The following RAP1GAP2 variants were observed in gnomAD, a reference collection of about 807,000 sequenced individuals.
The protein encoded by RAP1GAP2 is RAP1 GTPase activating protein 2, also known as rap1 GTPase-activating protein 2.
RAP1GAP2 carries 27 observed loss-of-function variants against 95.0 expected under a neutral mutation model. The observed-to-expected ratio is 0.28, with a 90% CI of 0.21 to 0.39. The LOEUF (loss-of-function observed/expected upper bound fraction) is 0.39. RAP1GAP2 is among the 10% of genes least tolerant of loss of function. The pLI is 1.00. For missense variants in RAP1GAP2, 771 were observed against 970.0 expected (o/e 0.79, Z 2.72); for synonymous variants, 373 against 380.9 (o/e 0.98, Z 0.24).
intron 1 of RAP1GAP2, among the ~76,000 whole-genome samples, chr17:2,790,522 C>T (rs1421276190): frequency 6.6e-6 from 1 of 152,186 alleles, no homozygotes; most frequent in East Asian, 1.9e-4. Flanking sequence ...GAGTAGGTCA[C>T]CTGCCCCCAG....
intron 2 of RAP1GAP2, among the ~76,000 whole-genome samples, chr17:2,852,100 G>T (rs1051665927): frequency 6.6e-6 from 1 of 152,156 alleles, no homozygotes; most frequent in South Asian, 2.1e-4. Context: ...CGGTGGGAGA[G>T]AGGGGAAGAG....
At chr17:2,840,203 A>G (rs2071311674) in intron 2 of RAP1GAP2, among the ~76,000 whole-genome samples, 1 of 149,984 alleles carries the variant, frequency 6.7e-6, no homozygotes, top group Non-Finnish European at 1.5e-5. Flanking sequence ...ATCTCACTCC[A>G]GTGTCACTGG....
intron 8 of RAP1GAP2, among the ~76,000 whole-genome samples, chr17:2,969,007 GTA>G (rs2044733842): frequency 6.6e-6 from 1 of 151,846 alleles, no homozygotes; most frequent in South Asian, 2.1e-4. Flanking sequence ...ATATATTATA[GTA>G]TATGTATATG....
At chr17:2,957,627 T>G in intron 3 of RAP1GAP2, 132 bp from the exon 4 acceptor site, 1 of 1,049,076 alleles carries the variant, frequency 9.5e-7, no homozygotes, top group African/African-American at 1.6e-5. Context: ...TTATCTTCTC[T>G]GTTGATCCAA....
intron 1 of RAP1GAP2, among the ~76,000 whole-genome samples, chr17:2,769,415 C>CGTG (rs1348269929): frequency 6.6e-6 from 1 of 151,086 alleles, no homozygotes; most frequent in Non-Finnish European, 1.5e-5. Context: ...ATTAGCCGGG[C>CGTG]GTGGCGGTGG....
chr17:2,806,387 T>TATTA (rs1450158106), intron 2 of RAP1GAP2, among the ~76,000 whole-genome samples: 4 of 147,840 alleles, frequency 2.7e-5, no homozygotes, highest in South Asian at 2.1e-4. Flanking sequence ...TTATTATTAT[T>TATTA]ATTATTATTA....
intron 3 of RAP1GAP2, among the ~76,000 whole-genome samples, chr17:2,924,881 CG>C (rs1022669182): frequency 6.6e-6 from 1 of 152,106 alleles, no homozygotes; most frequent in Non-Finnish European, 1.5e-5. Context: ...CTCTTTCCTC[CG>C]GGGGGCTAGT....
intron 2 of RAP1GAP2, among the ~76,000 whole-genome samples, chr17:2,823,704 G>A (rs1371087971): frequency 6.6e-6 from 1 of 152,184 alleles, no homozygotes; most frequent in African/African-American, 2.4e-5. Context: ...GGTCAAAAGA[G>A]GCAACTACAT....
rs1336291472 is a variant in RAP1GAP2, at chr17:2,945,738, TTTC to T, written c.166-12014_166-12012del. 7.9e-5 allele frequency among the ~76,000 whole-genome samples: 12 copies of T among 152,210 alleles called. No homozygotes were observed. The South Asian group carries it at 1.7e-3, about 21-fold the overall frequency. On this transcript the variant is annotated intron_variant, in intron 3 of 24. Coordinates refer to ENST00000254695, the MANE Select transcript of RAP1GAP2 (RefSeq NM_015085.5). ...TATCAATTGAGATAATCATGTATTTTTTCTTCTTCATCCTGTTAATGTGATACA... is the reference window on the plus strand; with the variant it reads ...TATCAATTGAGATAATCATGTATTTTTTCTTCATCCTGTTAATGTGATACA...
chr17:2,896,108 C>T lies in RAP1GAP2; in HGVS notation c.81-9176C>T, dbSNP rs539087803. Among the ~76,000 whole-genome samples the T allele has an allele frequency of 2.0e-5, 3 of 152,230 alleles. No homozygotes were observed. The East Asian group carries it at 5.8e-4, about 29-fold the overall frequency. ...GCTGGTCTCCCAAGGAGAACCAGAC[C>T]TCTCCTCCCTGTGACCTCATGGCAC... On this transcript the variant is annotated intron_variant, in intron 2 of 24. Coordinates refer to ENST00000254695, the MANE Select transcript of RAP1GAP2 (RefSeq NM_015085.5).
chr17:2,971,982 A>C (rs1254545575), intron 8 of RAP1GAP2, among the ~76,000 whole-genome samples: 2 of 152,270 alleles, frequency 1.3e-5, no homozygotes, highest in African/African-American at 4.8e-5. Context: ...AAAAAGATGC[A>C]TGACCACAGA....
intron 2 of RAP1GAP2, chr17:2,854,049 C>T (rs546664011): frequency 3.0e-6 from 3 of 985,100 alleles, no homozygotes; most frequent in African/African-American, 3.5e-5. Flanking sequence ...TCCGCGCCGC[C>T]GTGGTGCTCA....
intron 2 of RAP1GAP2, among the ~76,000 whole-genome samples, chr17:2,893,700 C>G (rs2073793921): frequency 6.6e-6 from 1 of 152,222 alleles, no homozygotes; most frequent in Non-Finnish European, 1.5e-5. Context: ...CTGCTCTGAC[C>G]ATGACGCTGC....
Position 3,005,224 on chromosome 17 carries a change from C to A in RAP1GAP2, c.1201-145C>A. The A allele has an allele frequency of 1.2e-6, 1 of 831,542 alleles. No individual in the cohort carries two copies. Among genetic ancestry groups the A allele is most frequent in the Non-Finnish European group, 2.1e-6 (1 of 487,242 alleles). 51.5% of individuals were successfully genotyped at this position (831,542 alleles called of 1,614,324 possible). On this transcript the variant is annotated intron_variant, in intron 14 of 24. Transcript: ENST00000254695. The surrounding 1 kb of genome is among the most constrained non-coding windows in gnomAD (Gnocchi z 5.2). ...TCTAGGAACAGGGTCAGGGCCTGTG[C>A]TGGCGATGCTCACAGGAGTATTTTG...
At chr17:2,920,359 G>A (rs1422490572) in intron 3 of RAP1GAP2, among the ~76,000 whole-genome samples, 1 of 152,134 alleles carries the variant, frequency 6.6e-6, no homozygotes, top group Non-Finnish European at 1.5e-5. Flanking sequence ...CCCAGGGGAT[G>A]CCCCCAGGGG....
At chr17:2,787,108 A>G (rs1185298701) in intron 1 of RAP1GAP2, among the ~76,000 whole-genome samples, 1 of 149,042 alleles carries the variant, frequency 6.7e-6, no homozygotes, top group Non-Finnish European at 1.5e-5. Flanking sequence ...ATGCCACCAT[A>G]CCTGGCTAGT....
rs964898732 is a variant in RAP1GAP2 at position 2,827,846 on chromosome 17, G to A, written c.80+27296G>A. Among the ~76,000 whole-genome samples, 5 of 152,054 alleles carry A rather than the reference G, an allele frequency of 3.3e-5. No individual in the cohort carries two copies. Among genetic ancestry groups the A allele is most frequent in the African/African-American group, 1.2e-4 (5 of 41,404 alleles). On this transcript the variant is annotated intron_variant, in intron 2 of 24. Transcript: ENST00000254695. The surrounding 1 kb of genome is among the most constrained non-coding windows in gnomAD (Gnocchi z 4.1). ...AAATCCCCTTGAAAAACAAGGGGGA[G>A]GGTTCATACACGATCGGTTGCAGCA...
intron 2 of RAP1GAP2, among the ~76,000 whole-genome samples, chr17:2,891,674 G>T (rs989432385): frequency 6.6e-6 from 1 of 151,192 alleles, no homozygotes; most frequent in African/African-American, 2.4e-5. Context: ...TGTCTTTATT[G>T]GTTGATAGTT....
Position 2,963,403 on chromosome 17 carries a change from G to A in RAP1GAP2, c.247-27G>A, listed in dbSNP as rs2044429625. The A allele has an allele frequency of 1.2e-6, 2 of 1,613,616 alleles. No individual in the cohort carries two copies. The highest frequency in any genetic ancestry group is 1.7e-6 in the Non-Finnish European group (2 of 1,179,746). ...CTTTACGGGCACTGCCGGGACTAACGGTGGCATCATCTGGTTTGTCTTGCA... is the reference window on the plus strand; with the variant it reads ...CTTTACGGGCACTGCCGGGACTAACAGTGGCATCATCTGGTTTGTCTTGCA... On this transcript the variant is annotated intron_variant, in intron 5 of 24. Transcript: ENST00000254695. The surrounding 1 kb of genome is among the most constrained non-coding windows in gnomAD (Gnocchi z 4.8).
Sources: gnomAD v4.1 joint callset for allele counts (sites outside exome capture counted in the v4.1 genomes callset) on GRCh38, gnomAD v4.1.1 for gene constraint, Gnocchi (gnomAD v3.1) non-coding constraint, MANE v1.5 for transcripts, NCBI Gene and HGNC (gene_info 2026-07-23, HGNC 2026-07-21) for gene names.